Variants in MTMR6 observed in about 807,000 individuals in gnomAD.
MTMR6 encodes phosphatidylinositol-3,5-bisphosphate 3-phosphatase MTMR6.
MTMR6 carries 47 observed loss-of-function variants against 80.1 expected under a neutral mutation model. The ratio of observed to expected loss-of-function variants is 0.59; its 90% CI spans 0.46 to 0.75. The LOEUF (loss-of-function observed/expected upper bound fraction) is 0.75, where lower values mean the gene tolerates loss of function less well. Ranked by LOEUF, MTMR6 falls within the 30% of genes least tolerant of loss-of-function variation. The pLI, the probability that MTMR6 is intolerant of heterozygous loss-of-function variation, is 0.00. For missense variants in MTMR6, 629 were observed against 730.9 expected, an observed-to-expected ratio of 0.86 and a Z score of 1.61; for synonymous variants, 254 against 253.0, an observed-to-expected ratio of 1.00 and a Z score of -0.04.
chr13:25,251,310 T>A lies in MTMR6; in HGVS notation c.1605+339A>T, dbSNP rs1957083327. 6.6e-6 allele frequency among the ~76,000 whole-genome samples: 1 copy of A among 152,176 alleles called. No individual in the cohort carries two copies. Among genetic ancestry groups the A allele is most frequent in the Admixed American group, 6.5e-5 (1 of 15,282 alleles). On this transcript the variant is annotated intron_variant, in intron 13 of 13. Transcript: ENST00000381801. The surrounding 1 kb of genome is among the most constrained non-coding windows in gnomAD (Gnocchi z 4.1). Reference sequence around the variant, plus strand: ...TGCTGGGATTACAGGCGTGAGCCACTGCGCCCGGCCTATGTTTTATTTCTT... The same window carrying A: ...TGCTGGGATTACAGGCGTGAGCCACAGCGCCCGGCCTATGTTTTATTTCTT...
In MTMR6 at chr13:25,274,153, G is replaced by C. The variant is rs1488046144; in HGVS notation, c.59C>G (p.Thr20Ser). Reference sequence around the variant, plus strand: ...TGTTCCTGTTAATGACTTGTTGCTGGTACTGAATCGGTCAAGTAATTTTAC... The same window carrying C: ...TGTTCCTGTTAATGACTTGTTGCTGCTACTGAATCGGTCAAGTAATTTTAC... Reference protein sequence around the residue: ...EQVKLLDRFSTSNKSLTGTLY... With the variant: ...EQVKLLDRFSSSNKSLTGTLY... Residue 20 changes from threonine (T) to serine (S), a missense_variant, in exon 2 of 14, where the codon ACC becomes AGC. Physicochemically the swap from Thr to Ser is moderately conservative, Grantham distance 58. Coordinates refer to ENST00000381801, the MANE Select transcript of MTMR6 (RefSeq NM_004685.5). The C allele has an allele frequency of 6.2e-7, 1 of 1,611,402 alleles. No individual in the cohort carries two copies. Among genetic ancestry groups the C allele is most frequent in the African/African-American group, 1.3e-5 (1 of 74,740 alleles).
At position 25,251,779 on chromosome 13, in the gene MTMR6, T is replaced by C. The variant is rs777565178; in HGVS notation, c.1479-4A>G. On this transcript the variant is annotated splice_region_variant and splice_polypyrimidine_tract_variant and intron_variant, in intron 12 of 13. Coordinates refer to ENST00000381801, the MANE Select transcript of MTMR6 (RefSeq NM_004685.5). The surrounding 1 kb of genome is among the most constrained non-coding windows in gnomAD (Gnocchi z 4.1). ...ATGGTACATGTTCCTCCAAAACCTT[T>C]ATGACAAAAAAAAGTTTCAATAAAT... is the stretch of plus-strand genomic sequence containing the variant. 6.2e-7 allele frequency: 1 copy of C among 1,606,318 alleles called. No individual in the cohort carries two copies. Among genetic ancestry groups the C allele is most frequent in the Admixed American group, 1.7e-5 (1 of 57,870 alleles).
Position 25,286,017 on chromosome 13 carries a change from G to A in MTMR6, c.24+1207C>T, listed in dbSNP as rs915671021. 7.9e-5 allele frequency among the ~76,000 whole-genome samples: 12 copies of A among 151,942 alleles called. 1 individual carries two copies. The highest frequency in any genetic ancestry group is 2.9e-4 in the African/African-American group (12 of 41,318). On this transcript the variant is annotated intron_variant, in intron 1 of 13. Transcript: ENST00000381801. The stretch of plus-strand genomic sequence containing the variant: ...CTTTTCCTCTGTGCACCTTCTACGA[G>A]TTTGGTTATAGACTTAAGCACCCTT...
rs1337015804 is a variant in MTMR6, at chr13:25,274,951, CACACACACAT to C, written c.25-774_25-765del. On this transcript the variant is annotated intron_variant, in intron 1 of 13. Coordinates refer to ENST00000381801, the MANE Select transcript of MTMR6 (RefSeq NM_004685.5). ...ATACTAGTAGACAGACACACACACACACACACACATACACACACACACACACACACACACA... is the reference window on the plus strand; with the variant it reads ...ATACTAGTAGACAGACACACACACACACACACACACACACACACACACACA... 3.6e-3 allele frequency among the ~76,000 whole-genome samples: 466 copies of C among 129,492 alleles called. 3 individuals carry two copies. The highest frequency in any genetic ancestry group is 8.5e-3 in the African/African-American group (262 of 30,916). The allele number at this position is 129,492 out of a possible 152,430, so 85.0% of individuals were successfully genotyped here. A position where few individuals can be genotyped will look rare whatever the true frequency, so the allele number is the denominator to read the frequency against.
chr13:25,259,597 T>C lies in MTMR6; in HGVS notation c.727-905A>G, dbSNP rs1957287979. Among the ~76,000 whole-genome samples, 5 of 152,258 alleles carry C rather than the reference T, an allele frequency of 3.3e-5. No homozygotes were observed. The South Asian group carries it at 1.0e-3, about 32-fold the overall frequency. ...ATGTTAAAAAATGCTTCCACATTAT[T>C]ACTACTTGAGTTACATTTAACTAGT... On this transcript the variant is annotated intron_variant, in intron 6 of 13. Coordinates refer to ENST00000381801, the MANE Select transcript of MTMR6 (RefSeq NM_004685.5).
At chr13:25,261,083 G>A (rs1028547738) in intron 6 of MTMR6, among the ~76,000 whole-genome samples, 4 of 151,818 alleles carry the variant, frequency 2.6e-5, no homozygotes, top group Admixed American at 6.6e-5. Flanking sequence ...TGAGGTGGGC[G>A]GATCACTTGA....
chr13:25,287,336 G>C lies in MTMR6; in HGVS notation c.-89C>G. Reference sequence around the variant, plus strand: ...GGTGACAGCGACAGAGAGCAAGCGGGAACTCCCTCCACCAGCCAGCGCCGC... The same window carrying C: ...GGTGACAGCGACAGAGAGCAAGCGGCAACTCCCTCCACCAGCCAGCGCCGC... On this transcript the variant is annotated 5_prime_UTR_variant, in exon 1 of 14. Coordinates refer to ENST00000381801, the MANE Select transcript of MTMR6 (RefSeq NM_004685.5). 6.6e-7 allele frequency: 1 copy of C among 1,505,450 alleles called. No individual in the cohort carries two copies. The highest frequency in any genetic ancestry group is 9.0e-7 in the Non-Finnish European group (1 of 1,116,324). The allele number at this position is 1,505,450 out of a possible 1,614,324, so 93.3% of individuals were successfully genotyped here. A position where few individuals can be genotyped will look rare whatever the true frequency, so the allele number is the denominator to read the frequency against.
At chr13:25,271,472 C>A (rs566801609) in intron 2 of MTMR6, among the ~76,000 whole-genome samples, 100 of 152,324 alleles carry the variant, frequency 6.6e-4, no homozygotes, top group Middle Eastern at 3.4e-3. Flanking sequence ...CTACTCTACA[C>A]TGCCTGTGTA....
chr13:25,261,900 T>C, intron 5 of MTMR6, 98 bp from the exon 6 acceptor site: 1 of 1,163,608 alleles, frequency 8.6e-7, no homozygotes, highest in Non-Finnish European at 1.2e-6. Flanking sequence ...TAAAATCAAA[T>C]ATGATAATTA....
In MTMR6 at chr13:25,247,815, T is replaced by TA. The variant is rs1366574037; in HGVS notation, c.*1416dup. 1 of 152,158 alleles carries TA rather than the reference T, an allele frequency of 6.6e-6. No homozygotes were observed. The highest frequency in any genetic ancestry group is 1.5e-5 in the Non-Finnish European group (1 of 67,988). The allele number at this position is 152,158 out of a possible 1,614,324, so 9.4% of individuals were successfully genotyped here. On this transcript the variant is annotated 3_prime_UTR_variant, in exon 14 of 14. Coordinates refer to ENST00000381801, the MANE Select transcript of MTMR6 (RefSeq NM_004685.5). ...ATGTTTATATTCAAAACTAATATAA[T>TA]AGAGGTGTAACAGAAAGTAGCATGA...
At chr13:25,282,939 CCA>C (rs941973668) in intron 1 of MTMR6, among the ~76,000 whole-genome samples, 4 of 151,914 alleles carry the variant, frequency 2.6e-5, no homozygotes, top group African/African-American at 9.7e-5. Context: ...AGACTTTTCT[CCA>C]CAGAGTCTCA....
chr13:25,261,303 TAAAAAAAA>T (rs56833434), intron 6 of MTMR6, among the ~76,000 whole-genome samples: 17 of 40,866 alleles, frequency 4.2e-4, no homozygotes, highest in African/African-American at 1.4e-3. Flanking sequence ...AACTCTGTCT[TAAAAAAAA>T]AAAAAAAAAA....
intron 5 of MTMR6, 68 bp downstream of exon 5, chr13:25,265,751 T>C: frequency 6.6e-7 from 1 of 1,506,836 alleles, no homozygotes; most frequent in Non-Finnish European, 9.0e-7. Flanking sequence ...AAAAAAGTGT[T>C]ATTTTAGATA....
chr13:25,281,736 A>G (rs1957851695), intron 1 of MTMR6, among the ~76,000 whole-genome samples: 1 of 152,158 alleles, frequency 6.6e-6, no homozygotes, highest in South Asian at 2.1e-4. Flanking sequence ...TCACACTGAC[A>G]TCCTGCCAAG....
At chr13:25,249,701 T>C (rs1180286063) in intron 13 of MTMR6, among the ~76,000 whole-genome samples, 1 of 152,160 alleles carries the variant, frequency 6.6e-6, no homozygotes, top group African/African-American at 2.4e-5. Flanking sequence ...TTAGTTTTTA[T>C]ATTTATTAAA....
Position 25,248,583 on chromosome 13 carries a change from A to G in MTMR6, c.*649T>C, listed in dbSNP as rs1173557220. 3.3e-5 allele frequency: 5 copies of G among 152,400 alleles called. No individual in the cohort carries two copies. The highest frequency in any genetic ancestry group is 2.6e-4 in the Admixed American group (4 of 15,270). The allele number at this position is 152,400 out of a possible 1,614,324, so 9.4% of individuals were successfully genotyped here. ...GGGGCAGGCTAAACGTGAACAGTGT[A>G]CTTCTACAAGTGTTTATATAGAAGT... On this transcript the variant is annotated 3_prime_UTR_variant, in exon 14 of 14. Transcript: ENST00000381801.
Position 25,254,398 on chromosome 13 carries a change from T to C in MTMR6, c.1132A>G (p.Lys378Glu), listed in dbSNP as rs775107085. 6.3e-7 allele frequency: 1 copy of C among 1,575,918 alleles called. No homozygotes were observed. Among genetic ancestry groups the C allele is most frequent in the Non-Finnish European group, 8.7e-7 (1 of 1,148,852 alleles). ...ACTGTGACTCACCTCTCTGAAAATT[T>C]ATGTCCAAAAGAGATCCAATCCTTT... Reference protein sequence around the residue: ...IEKDWISFGHKFSERCGQLDG... With the variant: ...IEKDWISFGHEFSERCGQLDG... The change falls in exon 10 of 14, where the codon AAA (lysine) becomes GAA (glutamate). Residue 378 changes from lysine (K) to glutamate (E), a missense_variant. By Grantham distance (56) the Lys-to-Glu change is moderately conservative. Transcript: ENST00000381801.
At chr13:25,264,438 G>T (rs1025205600) in intron 5 of MTMR6, among the ~76,000 whole-genome samples, 1 of 152,010 alleles carries the variant, frequency 6.6e-6, no homozygotes, top group African/African-American at 2.4e-5. Flanking sequence ...TTCTGGATGA[G>T]ATTTAAAAGG....
rs371573306 is a variant in MTMR6, at chr13:25,257,779, C to T, written c.926G>A (p.Arg309His). Residue 309 changes from arginine to histidine, a missense_variant, in exon 8 of 14, where the codon CGC (arginine) becomes CAC (histidine). Transcript: ENST00000381801. Reference sequence around the variant, plus strand: ...AGCATCCATAACAGCTTTGATATGGCGAAGCCATCCCGAGCTCTCCAAACC... The same window carrying T: ...AGCATCCATAACAGCTTTGATATGGTGAAGCCATCCCGAGCTCTCCAAACC... ...YSGLESSGWLRHIKAVMDAAI... is the reference protein window; with the variant it reads ...YSGLESSGWLHHIKAVMDAAI... The T allele has an allele frequency of 5.0e-5, 81 of 1,613,702 alleles. No individual in the cohort carries two copies. The highest frequency in any genetic ancestry group is 8.9e-5 in the East Asian group (4 of 44,860).
Sources: gnomAD v4.1 joint callset for allele counts (sites outside exome capture counted in the v4.1 genomes callset) on GRCh38, gnomAD v4.1.1 for gene constraint, Gnocchi (gnomAD v3.1) non-coding constraint, MANE v1.5 for transcripts, NCBI Gene and HGNC (gene_info 2026-07-23, HGNC 2026-07-21) for gene names.